The following CSMD1 variants were observed in gnomAD, a reference collection of about 807,000 sequenced individuals.
CSMD1 encodes the protein CUB and sushi domain-containing protein 1.
CSMD1 carries 213 observed loss-of-function variants against 417.5 expected under a neutral mutation model. That is an observed-to-expected ratio of 0.51 (90% confidence interval 0.46 to 0.57). The LOEUF (loss-of-function observed/expected upper bound fraction) is 0.57, where lower values mean the gene tolerates loss of function less well. CSMD1 is among the 20% of genes least tolerant of loss of function. The pLI is 0.00. For synonymous variants in CSMD1, 2,862 were observed against 1,736.8 expected (o/e 1.65, Z -16.11); for missense variants, 6,923 against 4,529.7 (o/e 1.53, Z -15.17).
intron 3 of CSMD1, among the ~76,000 whole-genome samples, chr8:4,098,207 T>C (rs1213920350): frequency 6.6e-6 from 1 of 152,222 alleles, no homozygotes; most frequent in African/African-American, 2.4e-5. Context: ...CACAATTCTA[T>C]ACACATACTT....
At chr8:4,174,825 A>G (rs139484155) in intron 3 of CSMD1, among the ~76,000 whole-genome samples, 26 of 129,604 alleles carry the variant, frequency 2.0e-4, no homozygotes, top group African/African-American at 7.6e-4. Flanking sequence ...TTTGTGTGCC[A>G]GAGAAATTAC....
rs143272104 is a variant in CSMD1, at chr8:4,715,536, G to C, written c.86-77978C>G. 1.2e-3 allele frequency among the ~76,000 whole-genome samples: 190 copies of C among 152,038 alleles called. 1 individual carries two copies. Among genetic ancestry groups the C allele is most frequent in the African/African-American group, 4.4e-3 (182 of 41,476 alleles). The stretch of plus-strand genomic sequence containing the variant: ...CCAGATCAGACTTCCCCTTTTAATT[G>C]CACGTATATATATCCAACGGTCCAC... On this transcript the variant is annotated intron_variant, in intron 1 of 69. Coordinates refer to ENST00000635120, the MANE Select transcript of CSMD1 (RefSeq NM_033225.6).
At chr8:4,943,628 G>A (rs1260227340) in intron 1 of CSMD1, among the ~76,000 whole-genome samples, 5 of 152,136 alleles carry the variant, frequency 3.3e-5, no homozygotes, top group African/African-American at 7.2e-5. Context: ...AAAAGGGTGT[G>A]ATGATTTATA....
At chr8:4,513,394 G>A (rs546359432) in intron 2 of CSMD1, among the ~76,000 whole-genome samples, 6 of 152,230 alleles carry the variant, frequency 3.9e-5, no homozygotes, top group Admixed American at 1.3e-4. Flanking sequence ...AAATCCTCAA[G>A]TAGCACCTGT....
chr8:4,214,403 T>A (rs1196480458), intron 3 of CSMD1, among the ~76,000 whole-genome samples: 1 of 152,162 alleles, frequency 6.6e-6, no homozygotes, highest in Admixed American at 6.5e-5. Flanking sequence ...ATTCAATCGA[T>A]TCAAATGCCT....
intron 10 of CSMD1, among the ~76,000 whole-genome samples, chr8:3,507,959 C>T (rs190741794): frequency 1.5e-3 from 235 of 152,206 alleles, no homozygotes; most frequent in Non-Finnish European, 1.6e-3. Context: ...CTGTAGGTTG[C>T]CTGTTCACTC....
chr8:3,289,352 T>C (rs1292886046), intron 25 of CSMD1, among the ~76,000 whole-genome samples: 6 of 147,404 alleles, frequency 4.1e-5, no homozygotes, highest in Non-Finnish European at 2.9e-5. Context: ...AGTAATGGGA[T>C]GGCTGGGTCA....
At chr8:4,106,108 G>A (rs760412838) in intron 3 of CSMD1, among the ~76,000 whole-genome samples, 1 of 152,182 alleles carries the variant, frequency 6.6e-6, no homozygotes. Context: ...GACAACCCTT[G>A]TGGGTGGAGG....
At chr8:3,132,779 C>G (rs1232438905) in intron 41 of CSMD1, among the ~76,000 whole-genome samples, 4 of 152,198 alleles carry the variant, frequency 2.6e-5, no homozygotes, top group African/African-American at 9.6e-5. Flanking sequence ...TTTGACTCCA[C>G]TACTCTGGAG....
intron 1 of CSMD1, among the ~76,000 whole-genome samples, chr8:4,873,596 A>C (rs1048859366): frequency 2.2e-4 from 33 of 152,134 alleles, no homozygotes; most frequent in African/African-American, 7.0e-4. Context: ...AACTTTTTTC[A>C]AGGCTAGAAA....
chr8:4,006,740 C>G (rs1364607900), intron 4 of CSMD1, among the ~76,000 whole-genome samples: 1 of 151,796 alleles, frequency 6.6e-6, no homozygotes, highest in Non-Finnish European at 1.5e-5. Flanking sequence ...AGACTGGAAC[C>G]AGAAGGAACT....
intron 10 of CSMD1, among the ~76,000 whole-genome samples, chr8:3,510,012 T>C (rs561449888): frequency 6.6e-6 from 1 of 152,212 alleles, no homozygotes; most frequent in Admixed American, 6.5e-5. Flanking sequence ...AATTGACGTA[T>C]ACAAGTCGCG....
intron 1 of CSMD1, among the ~76,000 whole-genome samples, chr8:4,707,755 C>T (rs1808034078): frequency 6.6e-6 from 1 of 151,832 alleles, no homozygotes; most frequent in Non-Finnish European, 1.5e-5. Context: ...GGCGTCGTGG[C>T]AGGCGCCTGT....
intron 1 of CSMD1, among the ~76,000 whole-genome samples, chr8:4,817,019 C>A (rs556718060): frequency 6.6e-6 from 1 of 152,108 alleles, no homozygotes; most frequent in African/African-American, 2.4e-5. Flanking sequence ...CTCAGAGGCT[C>A]CTGGCAGGGA....
chr8:4,579,187 G>C (rs1463863499), intron 2 of CSMD1, among the ~76,000 whole-genome samples: 1 of 151,854 alleles, frequency 6.6e-6, no homozygotes, highest in Non-Finnish European at 1.5e-5. Flanking sequence ...AATTTAAAAA[G>C]TCAGGTGTGG....
At chr8:3,020,835 G>T (rs978479586) in intron 51 of CSMD1, among the ~76,000 whole-genome samples, 5 of 152,108 alleles carry the variant, frequency 3.3e-5, no homozygotes, top group African/African-American at 7.2e-5. Flanking sequence ...CGATTTATTG[G>T]TTTTGGGGAT....
chr8:3,464,753 A>G (rs1443575350), intron 12 of CSMD1, among the ~76,000 whole-genome samples: 1 of 152,058 alleles, frequency 6.6e-6, no homozygotes, highest in Non-Finnish European at 1.5e-5. Flanking sequence ...TGGCTCTATC[A>G]TAATTAATTT....
At chr8:3,871,466 G>A (rs756207954) in intron 5 of CSMD1, among the ~76,000 whole-genome samples, 1 of 151,984 alleles carries the variant, frequency 6.6e-6, no homozygotes, top group Non-Finnish European at 1.5e-5. Context: ...TAAATTACTA[G>A]TGAGGTTGAA....
At chr8:3,740,062 A>G (rs563874117) in intron 6 of CSMD1, among the ~76,000 whole-genome samples, 8 of 152,332 alleles carry the variant, frequency 5.3e-5, no homozygotes, top group Non-Finnish European at 7.3e-5. Flanking sequence ...GCTGTTTTTC[A>G]TAGAGTAAAA....
Sources: allele counts gnomAD v4.1 joint callset (sites outside exome capture counted in the v4.1 genomes callset), GRCh38; gene constraint gnomAD v4.1.1; transcripts MANE v1.5; gene names NCBI Gene and HGNC (gene_info 2026-07-23, HGNC 2026-07-21).